EML1: variants seen among roughly 807,000 people sequenced by gnomAD.
EML1 encodes echinoderm microtubule-associated protein-like 1.
Under a neutral mutation model 110.4 loss-of-function variants are expected in EML1, and 27 were observed. That is an observed-to-expected ratio of 0.24 (90% CI 0.18 to 0.34). The LOEUF (loss-of-function observed/expected upper bound fraction) is 0.34. EML1 is among the 10% of genes least tolerant of loss of function. The pLI, the probability that EML1 is intolerant of heterozygous loss-of-function variation, is 1.00. For synonymous variants in EML1, 344 were observed against 385.8 expected (o/e 0.89, Z 1.27); for missense variants, 741 against 1,030.9 (o/e 0.72, Z 3.85).
intron 4 of EML1, among the ~76,000 whole-genome samples, chr14:99,886,985 G>A (rs2059487967): frequency 1.3e-5 from 2 of 152,358 alleles, no homozygotes; most frequent in Admixed American, 6.5e-5. Flanking sequence ...AGACATACGT[G>A]TTCACAGCTG....
intron 2 of EML1, among the ~76,000 whole-genome samples, chr14:99,855,286 C>T (rs564130735): frequency 6.6e-6 from 1 of 152,226 alleles, no homozygotes. Context: ...TTTTTAAATA[C>T]TTTTAGTTAG....
chr14:99,800,831 ACTCT>A (rs2057861758), intron 1 of EML1, among the ~76,000 whole-genome samples: 2 of 152,294 alleles, frequency 1.3e-5, no homozygotes, highest in South Asian at 2.1e-4. Flanking sequence ...AAATATTTAA[ACTCT>A]CTATCTTTAA....
chr14:99,895,725 G>A (rs1257274031), intron 6 of EML1, among the ~76,000 whole-genome samples: 3 of 148,994 alleles, frequency 2.0e-5, no homozygotes, highest in East Asian at 2.0e-4. Context: ...AGTGAATGAC[G>A]TAAATGAAAT....
At chr14:99,878,119 ATTC>A (rs1230540528) in intron 3 of EML1, among the ~76,000 whole-genome samples, 3 of 150,820 alleles carry the variant, frequency 2.0e-5, no homozygotes, top group Non-Finnish European at 4.4e-5. Context: ...GCCCAAGACA[ATTC>A]TTCTTCCAAT....
intron 1 of EML1, among the ~76,000 whole-genome samples, chr14:99,786,720 A>T (rs769659748): frequency 4.6e-5 from 7 of 152,234 alleles, no homozygotes; most frequent in Non-Finnish European, 7.3e-5. Context: ...AATGCCAAAG[A>T]TGGCATTTGC....
At chr14:99,826,105 A>ATTTTTTTTTTTTTTT (rs71113225) in intron 1 of EML1, among the ~76,000 whole-genome samples, 2 of 79,968 alleles carry the variant, frequency 2.5e-5, no homozygotes, top group African/African-American at 1.0e-4. Context: ...CTGTGCATTG[A>ATTTTTTTTTTTTTTT]TTTTTTTTTT....
At chr14:99,873,425 A>G (rs1335630026) in intron 3 of EML1, among the ~76,000 whole-genome samples, 1 of 152,358 alleles carries the variant, frequency 6.6e-6, no homozygotes, top group African/African-American at 2.4e-5. Context: ...TAGAAAGCCA[A>G]AATCTGGCTT....
intron 1 of EML1, among the ~76,000 whole-genome samples, chr14:99,820,016 T>C (rs995005972): frequency 9.2e-5 from 14 of 152,184 alleles, no homozygotes; most frequent in Non-Finnish European, 1.9e-4. Context: ...TACTTCCCTA[T>C]AACTCAGGGC....
intron 17 of EML1, among the ~76,000 whole-genome samples, chr14:99,935,421 T>C (rs1421300060): frequency 6.6e-6 from 1 of 151,394 alleles, no homozygotes; most frequent in Non-Finnish European, 1.5e-5. Context: ...GCTGTGATCA[T>C]ACCACTGCAC....
At chr14:99,763,965 GGT>G (rs1012921116) in intron 1 of EML1, among the ~76,000 whole-genome samples, 3 of 152,166 alleles carry the variant, frequency 2.0e-5, no homozygotes, top group African/African-American at 7.2e-5. Flanking sequence ...GGCAGCTGGG[GGT>G]GTGTTGGGGC....
intron 5 of EML1, 129 bp from the exon 6 acceptor site, chr14:99,894,500 G>T: frequency 8.9e-7 from 1 of 1,117,420 alleles, no homozygotes; most frequent in Non-Finnish European, 1.2e-6. Context: ...TTTTCCCTAG[G>T]ATATCAATTA....
At chr14:99,923,939 G>C (rs904669565) in intron 17 of EML1, among the ~76,000 whole-genome samples, 1 of 152,164 alleles carries the variant, frequency 6.6e-6, no homozygotes, top group Non-Finnish European at 1.5e-5. Context: ...CAGGTGTGAG[G>C]CACCACACTA....
At chr14:99,913,447 G>A (rs1015468489) in intron 13 of EML1, among the ~76,000 whole-genome samples, 20 of 152,050 alleles carry the variant, frequency 1.3e-4, no homozygotes. Flanking sequence ...AAAGTGCTGG[G>A]ATTACAGATG....
chr14:99,850,336 A>C, intron 1 of EML1: 7 of 1,289,088 alleles, frequency 5.4e-6, no homozygotes, highest in Non-Finnish European at 5.1e-6. Context: ...ATTCTGAGTA[A>C]GAAAATATGA....
At chr14:99,773,623 G>T (rs1196207166) in exon 1 of EML1, 1 of 152,280 alleles carries the variant, frequency 6.6e-6, no homozygotes, top group African/African-American at 2.4e-5. Context: ...CCACGGAGCT[G>T]ATTTCACTAA....
At chr14:99,847,432 A>G (rs2058724461) in intron 1 of EML1, among the ~76,000 whole-genome samples, 1 of 152,046 alleles carries the variant, frequency 6.6e-6, no homozygotes, top group South Asian at 2.1e-4. Flanking sequence ...TTCACTGTAG[A>G]CCTGATCTCC....
At chr14:99,739,065 A>AGTGTGTGTGT (rs35246718) in intron 1 of EML1, among the ~76,000 whole-genome samples, 1,755 of 139,000 alleles carry the variant, frequency 0.013, 51 homozygotes, top group East Asian at 0.11. Context: ...AGAGTGTGAG[A>AGTGTGTGTGT]GTGTGTGTGT....
intron 17 of EML1, among the ~76,000 whole-genome samples, chr14:99,935,004 G>C (rs578102852): frequency 6.6e-6 from 1 of 152,282 alleles, no homozygotes; most frequent in East Asian, 1.9e-4. Flanking sequence ...GAGGCAGGAA[G>C]GGCTGTCCAG....
chr14:99,774,204 C>G (rs1023006604), intron 1 of EML1, among the ~76,000 whole-genome samples: 1 of 152,072 alleles, frequency 6.6e-6, no homozygotes, highest in Non-Finnish European at 1.5e-5. Flanking sequence ...AAGCAAAGAG[C>G]AGAGGGGTTG....
Sources: gnomAD v4.1 joint callset for allele counts (sites outside exome capture counted in the v4.1 genomes callset) on GRCh38, gnomAD v4.1.1 for gene constraint, MANE v1.5 for transcripts, NCBI Gene and HGNC (gene_info 2026-07-23, HGNC 2026-07-21) for gene names.